The following NRIP1 variants were observed in gnomAD, a reference collection of about 807,000 sequenced individuals.
The protein encoded by NRIP1 is nuclear receptor interacting protein 1.
Under a neutral mutation model 75.0 loss-of-function variants are expected in NRIP1, and 28 were observed. The observed-to-expected ratio is 0.37, with a 90% CI of 0.28 to 0.51. NRIP1 has a LOEUF of 0.51. NRIP1 is among the 20% of genes least tolerant of loss of function. The pLI is 0.92. For missense variants in NRIP1, 1,435 were observed against 1,343.7 expected (o/e 1.07, Z -1.06); for synonymous variants, 526 against 487.6 (o/e 1.08, Z -1.04).
At position 14,964,678 on chromosome 21, in the gene NRIP1, AGTT is replaced by A; in HGVS notation, c.*35_*37del. Reference sequence around the variant, plus strand: ...TACAGATCTCAAGTTCATACTCATTAGTTTTAAAAAGATCCAAAACTGGATGGC... The same window carrying A: ...TACAGATCTCAAGTTCATACTCATTATTAAAAAGATCCAAAACTGGATGGC... On this transcript the variant is annotated 3_prime_UTR_variant, in exon 4 of 4. Transcript: ENST00000318948. 1 of 1,389,938 alleles carries A rather than the reference AGTT, an allele frequency of 7.2e-7. No homozygotes were observed. The highest frequency in any genetic ancestry group is 9.8e-7 in the Non-Finnish European group (1 of 1,024,710). 86.1% of individuals were successfully genotyped at this position (1,389,938 alleles called of 1,614,324 possible).
chr21:15,013,032 A>G (rs1254600468), intron 3 of NRIP1, among the ~76,000 whole-genome samples: 1 of 152,176 alleles, frequency 6.6e-6, no homozygotes, highest in Non-Finnish European at 1.5e-5. Context: ...ATGGGGTTCA[A>G]TATCAACTGT....
intron 2 of NRIP1, among the ~76,000 whole-genome samples, chr21:15,016,719 C>T (rs368705696): frequency 6.6e-6 from 1 of 151,870 alleles, no homozygotes; most frequent in African/African-American, 2.4e-5. Flanking sequence ...CCCATTTCTA[C>T]TAAAAATATA....
intron 1 of NRIP1, among the ~76,000 whole-genome samples, chr21:15,057,036 ACTC>A (rs1269536485): frequency 1.3e-5 from 2 of 152,016 alleles, no homozygotes; most frequent in African/African-American, 2.4e-5. Context: ...AAAGTCAACT[ACTC>A]CTCATCTCTC....
chr21:15,036,171 A>G (rs922233386), intron 2 of NRIP1, among the ~76,000 whole-genome samples: 3 of 152,152 alleles, frequency 2.0e-5, no homozygotes, highest in South Asian at 2.1e-4. Context: ...CCTACACTGG[A>G]AAAAAATGCT....
At chr21:15,022,482 T>C (rs576970252) in intron 2 of NRIP1, among the ~76,000 whole-genome samples, 1 of 152,182 alleles carries the variant, frequency 6.6e-6, no homozygotes, top group Non-Finnish European at 1.5e-5. Flanking sequence ...GTAAACCACA[T>C]GGCATATGTT....
At chr21:14,997,906 A>T (rs2087768047) in intron 3 of NRIP1, among the ~76,000 whole-genome samples, 2 of 152,116 alleles carry the variant, frequency 1.3e-5, no homozygotes, top group Admixed American at 1.3e-4. Context: ...CACTTTGCCC[A>T]ACTGTTGAAC....
chr21:14,988,495 A>ATGTGTGTGTG (rs1220704059), intron 3 of NRIP1, among the ~76,000 whole-genome samples: 8 of 115,026 alleles, frequency 7.0e-5, no homozygotes, highest in African/African-American at 2.5e-4. Context: ...GATAGTATAT[A>ATGTGTGTGTG]TATATGTGTG....
At chr21:14,997,639 C>T (rs1455908281) in intron 3 of NRIP1, among the ~76,000 whole-genome samples, 4 of 151,144 alleles carry the variant, frequency 2.6e-5, no homozygotes, top group Non-Finnish European at 5.9e-5. Context: ...CGTAGACACA[C>T]AAACCCACAA....
chr21:15,001,012 C>A (rs1387491369), intron 3 of NRIP1, among the ~76,000 whole-genome samples: 2 of 152,092 alleles, frequency 1.3e-5, no homozygotes, highest in African/African-American at 4.8e-5. Flanking sequence ...TATCTGCAAG[C>A]CAGTCTAGAC....
At chr21:15,044,261 T>C (rs541064328) in intron 1 of NRIP1, among the ~76,000 whole-genome samples, 2 of 150,836 alleles carry the variant, frequency 1.3e-5, no homozygotes, top group African/African-American at 4.9e-5. Flanking sequence ...CATTGCAGAG[T>C]TTGAAACACC....
At chr21:15,018,523 G>C (rs2088289996) in intron 2 of NRIP1, among the ~76,000 whole-genome samples, 1 of 152,160 alleles carries the variant, frequency 6.6e-6, no homozygotes, top group African/African-American at 2.4e-5. Flanking sequence ...AAAGTGAAGA[G>C]AATTTCCAAT....
chr21:15,017,384 C>T (rs2088260934), intron 2 of NRIP1, among the ~76,000 whole-genome samples: 1 of 152,124 alleles, frequency 6.6e-6, no homozygotes, highest in African/African-American at 2.4e-5. Context: ...ATGAACTGGT[C>T]ATTATCTGTT....
chr21:14,967,181 C>T lies in NRIP1; in HGVS notation c.1012G>A (p.Ala338Thr). Residue 338 changes from alanine (A) to threonine (T), a missense_variant, in exon 4 of 4, where the codon GCT becomes ACT. Transcript: ENST00000318948. Reference protein sequence around the residue: ...QARTSSSKLMASKSSATVFQN... With the variant: ...QARTSSSKLMTSKSSATVFQN... Reference sequence around the variant, plus strand: ...AACACTGTAGCACTACTTTTGCTAGCCATCAGTTTGCTTGATGATGTTCTT... The same window carrying T: ...AACACTGTAGCACTACTTTTGCTAGTCATCAGTTTGCTTGATGATGTTCTT... 1 of 1,614,070 alleles carries T rather than the reference C, an allele frequency of 6.2e-7. No individual in the cohort carries two copies. Among genetic ancestry groups the T allele is most frequent in the East Asian group, 2.2e-5 (1 of 44,866 alleles).
chr21:14,981,293 G>T (rs980846473), intron 3 of NRIP1, among the ~76,000 whole-genome samples: 1 of 152,150 alleles, frequency 6.6e-6, no homozygotes, highest in Non-Finnish European at 1.5e-5. Flanking sequence ...AAGAAACTGC[G>T]GTGCGTGCTT....
chr21:15,039,838 G>C (rs927230279), intron 2 of NRIP1, among the ~76,000 whole-genome samples: 9 of 152,038 alleles, frequency 5.9e-5, no homozygotes, highest in African/African-American at 2.2e-4. Flanking sequence ...TTAAAGATAT[G>C]TATCTGTCAT....
chr21:14,977,858 T>A (rs1353441360), intron 3 of NRIP1, among the ~76,000 whole-genome samples: 1 of 152,194 alleles, frequency 6.6e-6, no homozygotes, highest in Non-Finnish European at 1.5e-5. Flanking sequence ...CTAAATACAT[T>A]TTGCTCAACT....
intron 3 of NRIP1, among the ~76,000 whole-genome samples, chr21:14,984,720 C>T (rs2776043): frequency 0.2 from 29,896 of 152,048 alleles, 3,204 homozygotes; most frequent in Non-Finnish European, 0.24. Flanking sequence ...TGTCAGTCAA[C>T]GTGGCGAATT....
intron 3 of NRIP1, among the ~76,000 whole-genome samples, chr21:15,000,009 C>T (rs543339245): frequency 5.9e-5 from 9 of 152,198 alleles, no homozygotes; most frequent in African/African-American, 2.2e-4. Context: ...AATTAGATTT[C>T]ACAGCTTAAC....
At chr21:15,049,873 G>A (rs1391466121) in intron 1 of NRIP1, among the ~76,000 whole-genome samples, 2 of 152,122 alleles carry the variant, frequency 1.3e-5, no homozygotes, top group South Asian at 4.1e-4. Context: ...ATCATTTCAA[G>A]AGATGCTACT....
Sources: allele counts gnomAD v4.1 joint callset (sites outside exome capture counted in the v4.1 genomes callset), GRCh38; gene constraint gnomAD v4.1.1; transcripts MANE v1.5; gene names NCBI Gene and HGNC (gene_info 2026-07-23, HGNC 2026-07-21).